The following TSHZ1 variants were observed in gnomAD, a reference collection of about 807,000 sequenced individuals.
TSHZ1 encodes the protein teashirt homolog 1.
A neutral mutation model predicts 67.1 loss-of-function variants in TSHZ1; 12 were observed. The ratio of observed to expected loss-of-function variants is 0.18; its 90% CI spans 0.11 to 0.29. The LOEUF is 0.29. Ranked by LOEUF, TSHZ1 falls within the 10% of genes least tolerant of loss-of-function variation. The probability of loss-of-function intolerance (pLI) is 1.00; values close to 1 mark genes in which losing one functional copy is unlikely to be tolerated. For missense variants in TSHZ1, 1,305 were observed against 1,413.9 expected (o/e 0.92, Z 1.23); for synonymous variants, 632 against 622.4 (o/e 1.02, Z -0.23).
chr18:75,265,931 A>T (rs558719203), intron 1 of TSHZ1, among the ~76,000 whole-genome samples: 79 of 152,272 alleles, frequency 5.2e-4, no homozygotes, highest in African/African-American at 1.9e-3. Context: ...CGGATTTGGG[A>T]ATCAGTTTAC....
At chr18:75,252,115 A>G (rs969245003) in intron 1 of TSHZ1, among the ~76,000 whole-genome samples, 4 of 152,130 alleles carry the variant, frequency 2.6e-5, no homozygotes, top group African/African-American at 7.2e-5. Flanking sequence ...CTATTTATCT[A>G]TCTTTGTCAT....
intron 1 of TSHZ1, among the ~76,000 whole-genome samples, chr18:75,225,759 A>C (rs1381259317): frequency 6.9e-6 from 1 of 145,696 alleles, no homozygotes; most frequent in African/African-American, 2.6e-5. Flanking sequence ...GGTTTTACTT[A>C]ATGTTCTTTA....
chr18:75,285,876 A>ACCCCCCCCCCCC lies in TSHZ1; in HGVS notation c.474_475insCCCCCCCCCCCC (p.Pro158_Thr159insProProProPro). The stretch of plus-strand genomic sequence containing the variant: ...CAGCCAGAAGGAGAGCTCCGCCCCC[A>ACCCCCCCCCCCC]CCCCCACACCCCCCACCTGCCCCGT... On this transcript the variant is annotated inframe_insertion, in exon 2 of 2. Transcript: ENST00000580243. 4.0e-6 allele frequency: 2 copies of ACCCCCCCCCCCC among 496,198 alleles called. No homozygotes were observed. Among genetic ancestry groups the ACCCCCCCCCCCC allele is most frequent in the Non-Finnish European group, 5.5e-6 (2 of 363,842 alleles). 30.7% of individuals were successfully genotyped at this position (496,198 alleles called of 1,614,324 possible).
intron 1 of TSHZ1, among the ~76,000 whole-genome samples, chr18:75,256,767 G>A (rs562397745): frequency 9.9e-5 from 15 of 152,280 alleles, no homozygotes; most frequent in African/African-American, 3.1e-4. Context: ...TGAAGTTTTT[G>A]GGTAATTCCT....
Position 75,287,317 on chromosome 18 carries a change from C to T in TSHZ1, c.1910C>T (p.Ser637Phe), listed in dbSNP as rs368515677. 2.5e-6 allele frequency: 4 copies of T among 1,614,054 alleles called. No individual in the cohort carries two copies. The highest frequency in any genetic ancestry group is 1.7e-5 in the Admixed American group (1 of 60,008). Residue 637 changes from serine to phenylalanine, a missense_variant, in exon 2 of 2, where the codon TCT becomes TTT. Coordinates refer to ENST00000580243, the MANE Select transcript of TSHZ1 (RefSeq NM_001308210.2). The surrounding 1 kb of genome is among the most constrained non-coding windows in gnomAD (Gnocchi z 5.0). ...LTPPPHKSNV[S>F]AMEELVEKVT... ...CCCCCACCGCACAAGAGCAACGTGT[C>T]TGCCATGGAGGAGCTGGTGGAGAAG...
In TSHZ1 at chr18:75,285,870, G is replaced by GCCA; in HGVS notation, c.465_466insACC (p.Ala155_Pro156insThr). The GCCA allele has an allele frequency of 6.3e-7, 1 of 1,581,560 alleles. No individual in the cohort carries two copies. The highest frequency in any genetic ancestry group is 8.6e-7 in the Non-Finnish European group (1 of 1,163,050). ...CGATGCCAGCCAGAAGGAGAGCTCC[G>GCCA]CCCCCACCCCCACACCCCCCACCTG... On this transcript the variant is annotated inframe_insertion, in exon 2 of 2. Transcript: ENST00000580243.
chr18:75,260,967 G>A (rs887176885), intron 1 of TSHZ1, among the ~76,000 whole-genome samples: 8 of 152,024 alleles, frequency 5.3e-5, no homozygotes, highest in Non-Finnish European at 8.8e-5. Context: ...TGGGACGCGC[G>A]TCCCTTTTTC....
At chr18:75,215,167 A>G (rs1363647945) in intron 1 of TSHZ1, among the ~76,000 whole-genome samples, 1 of 152,238 alleles carries the variant, frequency 6.6e-6, no homozygotes, top group East Asian at 1.9e-4. Flanking sequence ...TGACTTAGAC[A>G]TGCTGTTTTA....
chr18:75,261,138 G>C (rs964220264), intron 1 of TSHZ1, among the ~76,000 whole-genome samples: 2 of 151,964 alleles, frequency 1.3e-5, no homozygotes, highest in African/African-American at 4.8e-5. Flanking sequence ...GGACCTGAGT[G>C]TTGACAAACA....
intron 1 of TSHZ1, chr18:75,283,120 A>G (rs973393740): frequency 2.0e-5 from 3 of 152,372 alleles, no homozygotes; most frequent in African/African-American, 7.2e-5. Context: ...CAAGGCCAGC[A>G]CATGCTCAGG....
At chr18:75,228,748 G>C (rs781632125) in intron 1 of TSHZ1, among the ~76,000 whole-genome samples, 1 of 152,220 alleles carries the variant, frequency 6.6e-6, no homozygotes, top group Non-Finnish European at 1.5e-5. Flanking sequence ...ATCCAAAGTT[G>C]AACCTCTCAA....
intron 1 of TSHZ1, among the ~76,000 whole-genome samples, chr18:75,244,288 G>A (rs1447313594): frequency 6.6e-6 from 1 of 152,196 alleles, no homozygotes; most frequent in Non-Finnish European, 1.5e-5. Context: ...ATCACAACCG[G>A]GTAAGGTTGT....
At chr18:75,283,062 C>T (rs546229963) in intron 1 of TSHZ1, 3 of 152,422 alleles carry the variant, frequency 2.0e-5, no homozygotes, top group South Asian at 2.1e-4. Flanking sequence ...TTCCTATAGT[C>T]GATCCTGATA....
chr18:75,216,676 C>T (rs1442026246), intron 1 of TSHZ1, among the ~76,000 whole-genome samples: 1 of 152,200 alleles, frequency 6.6e-6, no homozygotes, highest in Non-Finnish European at 1.5e-5. Context: ...CATATGGGTG[C>T]AGAATGTGTG....
intron 1 of TSHZ1, among the ~76,000 whole-genome samples, chr18:75,240,015 G>A (rs2023133363): frequency 6.6e-6 from 1 of 152,310 alleles, no homozygotes; most frequent in East Asian, 1.9e-4. Context: ...TGAATGTGAT[G>A]AATATGGTAA....
In TSHZ1 at chr18:75,272,194, A is replaced by G. The variant is rs1426000756; in HGVS notation, c.41-13254A>G. On this transcript the variant is annotated intron_variant, in intron 1 of 1. Coordinates refer to ENST00000580243, the MANE Select transcript of TSHZ1 (RefSeq NM_001308210.2). ...AGCCCTAATGAGAATGCTCGGATGT[A>G]TAGTTTATCAGATAGAAGAGGAAGA... 5.3e-5 allele frequency among the ~76,000 whole-genome samples: 8 copies of G among 152,252 alleles called. No individual in the cohort carries two copies. In the East Asian group the frequency reaches 1.5e-3, roughly 29 times the overall value.
intron 1 of TSHZ1, among the ~76,000 whole-genome samples, chr18:75,241,988 C>G (rs1049477196): frequency 1.3e-5 from 2 of 149,676 alleles, no homozygotes; most frequent in Admixed American, 6.7e-5. Context: ...TCTGCAAACA[C>G]CCTATTTCCA....
chr18:75,268,678 A>C (rs1340269686), intron 1 of TSHZ1, among the ~76,000 whole-genome samples: 1 of 152,104 alleles, frequency 6.6e-6, no homozygotes, highest in Non-Finnish European at 1.5e-5. Flanking sequence ...CTCCCCAAAA[A>C]ATCAGCGAGC....
chr18:75,249,655 A>C (rs4891052), intron 1 of TSHZ1, among the ~76,000 whole-genome samples: 2 of 148,490 alleles, frequency 1.3e-5, no homozygotes, highest in East Asian at 2.0e-4. Flanking sequence ...CAACTCACCC[A>C]TGCAGTAGGT....
Sources: allele counts gnomAD v4.1 joint callset (sites outside exome capture counted in the v4.1 genomes callset), GRCh38; gene constraint gnomAD v4.1.1; non-coding constraint Gnocchi (gnomAD v3.1); transcripts MANE v1.5; gene names NCBI Gene and HGNC (gene_info 2026-07-23, HGNC 2026-07-21).